Variants in KDM4C observed in about 807,000 individuals in gnomAD.
The protein encoded by KDM4C is lysine demethylase 4C.
Under a neutral mutation model 129.3 loss-of-function variants are expected in KDM4C, and 81 were observed. That is an observed-to-expected ratio of 0.63 (90% CI 0.52 to 0.75). The LOEUF (loss-of-function observed/expected upper bound fraction) is 0.75, where lower values mean the gene tolerates loss of function less well. Ranked by LOEUF, KDM4C falls within the 30% of genes least tolerant of loss-of-function variation. KDM4C has a pLI of 0.00. For synonymous variants in KDM4C, 573 were observed against 456.1 expected (o/e 1.26, Z -3.26); for missense variants, 1,457 against 1,304.0 (o/e 1.12, Z -1.81).
At chr9:6,890,885 A>T (rs1038217390) in intron 7 of KDM4C, among the ~76,000 whole-genome samples, 3 of 152,222 alleles carry the variant, frequency 2.0e-5, no homozygotes, top group Non-Finnish European at 4.4e-5. Context: ...CGTGGCTCAG[A>T]TAATGGAGCT....
chr9:6,791,954 C>T (rs372835881), intron 1 of KDM4C, among the ~76,000 whole-genome samples: 2 of 152,004 alleles, frequency 1.3e-5, no homozygotes, highest in Non-Finnish European at 2.9e-5. Flanking sequence ...CCCGGGAGGT[C>T]GAGGCTGTGG....
chr9:6,975,624 C>G (rs1032077219), intron 8 of KDM4C, among the ~76,000 whole-genome samples: 1 of 152,112 alleles, frequency 6.6e-6, no homozygotes, highest in Non-Finnish European at 1.5e-5. Context: ...CTCTAGGCAC[C>G]TAGAATATAC....
chr9:6,923,997 G>GT (rs1289055388), intron 8 of KDM4C, among the ~76,000 whole-genome samples: 1 of 152,190 alleles, frequency 6.6e-6, no homozygotes. Flanking sequence ...AAATTTCTTG[G>GT]TAAGTTTTTT....
At chr9:6,835,588 A>T in intron 4 of KDM4C, 1 of 939,470 alleles carries the variant, frequency 1.1e-6, no homozygotes, top group Non-Finnish European at 1.8e-6. Flanking sequence ...GCGGACTGTG[A>T]CTTAGTTGTG....
intron 18 of KDM4C, chr9:7,105,583 T>C (rs1003763850): frequency 9.6e-6 from 4 of 416,622 alleles, no homozygotes; most frequent in African/African-American, 2.1e-5. Context: ...ATGCAGATAA[T>C]GAGTGGCAGG....
chr9:7,034,275 A>G (rs1172938985), intron 15 of KDM4C, among the ~76,000 whole-genome samples: 3 of 152,254 alleles, frequency 2.0e-5, no homozygotes, highest in Non-Finnish European at 2.9e-5. Flanking sequence ...GTCATCCTAC[A>G]CTGGTATAGA....
Position 7,049,164 on chromosome 9 carries a change from A to T in KDM4C, c.2388A>T (p.Ile796=), listed in dbSNP as rs1377778343. ...CTAATGTCCCAGAAAGGACACAAAT[A>T]GATGTAGGCAGAATACCTTTACAGA... ...RFTNVPERTQ[I]DVGRIPLQRL... is the part of the protein sequence containing the mutation. Residue 796 remains isoleucine (I), a synonymous_variant, in exon 17 of 22, where the codon ATA becomes ATT. Coordinates refer to ENST00000381309, the MANE Select transcript of KDM4C (RefSeq NM_015061.6). 1 of 1,610,886 alleles carries T rather than the reference A, an allele frequency of 6.2e-7. No homozygotes were observed. Among genetic ancestry groups the T allele is most frequent in the Admixed American group, 1.7e-5 (1 of 59,920 alleles).
intron 17 of KDM4C, among the ~76,000 whole-genome samples, chr9:7,050,442 C>CAAAAAAAAAAAAAAAAAAAAAAAAA (rs71500910): frequency 3.8e-5 from 3 of 78,238 alleles, no homozygotes; most frequent in African/African-American, 4.3e-5. Flanking sequence ...CCCAGATTAC[C>CAAAAAAAAAAAAAAAAAAAAAAAAA]AAAAAAAAAA....
intron 17 of KDM4C, among the ~76,000 whole-genome samples, chr9:7,088,850 A>C (rs970242313): frequency 6.6e-6 from 1 of 151,270 alleles, no homozygotes; most frequent in Non-Finnish European, 1.5e-5. Context: ...AAAAAAAAGA[A>C]AAAGAAAAAA....
chr9:7,079,631 C>T (rs1310296789), intron 17 of KDM4C, among the ~76,000 whole-genome samples: 1 of 152,178 alleles, frequency 6.6e-6, no homozygotes, highest in Non-Finnish European at 1.5e-5. Flanking sequence ...CTGAGAGTGA[C>T]TTTGAACAAA....
chr9:7,122,257 A>ACTCT (rs1177380751), intron 18 of KDM4C, among the ~76,000 whole-genome samples: 68 of 105,964 alleles, frequency 6.4e-4, no homozygotes, highest in East Asian at 3.5e-3. Flanking sequence ...ACACACACAC[A>ACTCT]CACACACACT....
intron 15 of KDM4C, among the ~76,000 whole-genome samples, chr9:7,028,032 G>A (rs895075057): frequency 6.6e-6 from 1 of 152,152 alleles, no homozygotes; most frequent in African/African-American, 2.4e-5. Context: ...AATGCTAAGA[G>A]CCAAGGCCTG....
chr9:6,884,809 G>A (rs1262208588), intron 6 of KDM4C, among the ~76,000 whole-genome samples: 3 of 152,098 alleles, frequency 2.0e-5, no homozygotes, highest in African/African-American at 7.2e-5. Context: ...TATAGCGTGT[G>A]TTTGTATTTG....
intron 8 of KDM4C, among the ~76,000 whole-genome samples, chr9:6,911,220 G>A (rs1589058874): frequency 1.3e-5 from 2 of 152,152 alleles, no homozygotes; most frequent in East Asian, 3.9e-4. Flanking sequence ...TCACTTAGAG[G>A]ATGAGGGAAA....
At chr9:6,820,714 C>CTT (rs35264767) in intron 4 of KDM4C, among the ~76,000 whole-genome samples, 47 of 127,100 alleles carry the variant, frequency 3.7e-4, no homozygotes, top group Non-Finnish European at 4.9e-4. Flanking sequence ...CTCTCTCTCT[C>CTT]TTTTTTTTTT....
intron 4 of KDM4C, among the ~76,000 whole-genome samples, chr9:6,844,595 G>A (rs966985817): frequency 1.3e-5 from 2 of 152,232 alleles, no homozygotes; most frequent in African/African-American, 4.8e-5. Flanking sequence ...GTTTCCTTAT[G>A]AGTGCTTTTG....
Position 7,068,682 on chromosome 9 carries a change from C to CTCTCTTTTTTTTTT in KDM4C, c.2424+19483_2424+19484insCTCTTTTTTTTTTT, listed in dbSNP as rs1491581614. On this transcript the variant is annotated intron_variant, in intron 17 of 21. Coordinates refer to ENST00000381309, the MANE Select transcript of KDM4C (RefSeq NM_015061.6). The stretch of plus-strand genomic sequence containing the variant: ...CTATTTCATACATGTTTATGATGCC[C>CTCTCTTTTTTTTTT]TTTCTTTTTTTTTTTTTTTTTTTTT... Among the ~76,000 whole-genome samples, 3 of 88,534 alleles carry CTCTCTTTTTTTTTT rather than the reference C, an allele frequency of 3.4e-5. 1 individual carries two copies. Among genetic ancestry groups the CTCTCTTTTTTTTTT allele is most frequent in the Non-Finnish European group, 4.6e-5 (2 of 43,514 alleles). The allele number at this position is 88,534 out of a possible 152,430, so 58.1% of individuals were successfully genotyped here.
At position 6,881,455 on chromosome 9, in the gene KDM4C, A is replaced by G. The variant is rs527792366; in HGVS notation, c.679+1394A>G. On this transcript the variant is annotated intron_variant, in intron 6 of 21. Coordinates refer to ENST00000381309, the MANE Select transcript of KDM4C (RefSeq NM_015061.6). ...TGATTACTGTAACACTTAACTACGT[A>G]GGAAGTGAACTTTGTGTTAAGACTA... 1.7e-4 allele frequency among the ~76,000 whole-genome samples: 26 copies of G among 152,320 alleles called. 1 individual carries two copies. The South Asian group carries it at 5.0e-3, about 29-fold the overall frequency.
rs1308506664 is a variant in KDM4C, at chr9:7,049,107, G to C, written c.2331G>C (p.Met777Ile). Residue 777 changes from methionine to isoleucine, a missense_variant, in exon 17 of 22, where the codon ATG becomes ATC. Physicochemically the swap from Met to Ile is conservative, Grantham distance 10. Coordinates refer to ENST00000381309, the MANE Select transcript of KDM4C (RefSeq NM_015061.6). ...TTTCCTGTAGGTGGGCCCATGTCATGTGCGCCGTTGCGGTCCCAGAAGTTC... is the reference window on the plus strand; with the variant it reads ...TTTCCTGTAGGTGGGCCCATGTCATCTGCGCCGTTGCGGTCCCAGAAGTTC... ...QTKNNKWAHV[M>I]CAVAVPEVRF... The C allele has an allele frequency of 6.8e-6, 11 of 1,611,750 alleles. No homozygotes were observed. The highest frequency in any genetic ancestry group is 2.2e-5 in the East Asian group (1 of 44,832).
Sources: allele counts gnomAD v4.1 joint callset (sites outside exome capture counted in the v4.1 genomes callset), GRCh38; gene constraint gnomAD v4.1.1; transcripts MANE v1.5; gene names NCBI Gene and HGNC (gene_info 2026-07-23, HGNC 2026-07-21).